ZFP82: variants seen among roughly 807,000 people sequenced by gnomAD.
ZFP82 encodes zinc finger protein 82 homolog.
ZFP82 carries 30 observed loss-of-function variants against 54.0 expected under a neutral mutation model. The observed-to-expected ratio is 0.56, with a 90% confidence interval of 0.42 to 0.75. The LOEUF (loss-of-function observed/expected upper bound fraction) is 0.75. Among genes scored for constraint, ZFP82 ranks in the 30% least tolerant of loss-of-function variants. The pLI, the probability that ZFP82 is intolerant of heterozygous loss-of-function variation, is 0.00. For missense variants in ZFP82, 500 were observed against 636.8 expected, an observed-to-expected ratio of 0.79 and a Z score of 2.31; for synonymous variants, 194 against 209.5, an observed-to-expected ratio of 0.93 and a Z score of 0.64.
At chr19:36,402,447 C>T (rs1209721399) in intron 4 of ZFP82, among the ~76,000 whole-genome samples, 1 of 108,132 alleles carries the variant, frequency 9.2e-6, no homozygotes, top group Non-Finnish European at 1.7e-5. Context: ...CCAGCCTGGA[C>T]AGAAGAGCGA....
At chr19:36,416,165 A>AT (rs1157202479) in intron 1 of ZFP82, among the ~76,000 whole-genome samples, 7 of 152,190 alleles carry the variant, frequency 4.6e-5, no homozygotes, top group Admixed American at 4.6e-4. Flanking sequence ...AATTAACAGT[A>AT]TTTATTAATG....
At chr19:36,400,978 G>A (rs1951956247) in intron 4 of ZFP82, among the ~76,000 whole-genome samples, 3 of 152,024 alleles carry the variant, frequency 2.0e-5, no homozygotes, top group South Asian at 2.1e-4. Context: ...GGAACCTGGG[G>A]TCAATTCTCA....
chr19:36,402,207 G>A (rs573070513), intron 4 of ZFP82, among the ~76,000 whole-genome samples: 216 of 152,224 alleles, frequency 1.4e-3, no homozygotes, highest in African/African-American at 5.0e-3. Flanking sequence ...AGTGGCTCAC[G>A]CCTGTAATCC....
chr19:36,408,136 G>A, intron 2 of ZFP82, 123 bp from the exon 3 acceptor site: 2 of 1,091,998 alleles, frequency 1.8e-6, no homozygotes, highest in East Asian at 2.6e-5. Flanking sequence ...GGCTTGGGCT[G>A]GAAGCCTGCA....
rs150011850 is a variant in ZFP82, at chr19:36,414,334, G to A, written c.-79+4158C>T. Among the ~76,000 whole-genome samples, 49 of 147,862 alleles carry A rather than the reference G, an allele frequency of 3.3e-4. No homozygotes were observed. In the East Asian group the frequency reaches 9.2e-3, roughly 28 times the overall value. On this transcript the variant is annotated intron_variant, in intron 1 of 4. Coordinates refer to ENST00000392161, the MANE Select transcript of ZFP82 (RefSeq NM_133466.4). Reference sequence around the variant, plus strand: ...CATTGCTCTTAAAACATTGATAAATGTTAGAACTAGGCTTGAAAATGTAAT... The same window carrying A: ...CATTGCTCTTAAAACATTGATAAATATTAGAACTAGGCTTGAAAATGTAAT...
downstream of ZFP82, among the ~76,000 whole-genome samples, chr19:36,385,167 TG>T (rs2032101966): frequency 1.3e-5 from 2 of 152,046 alleles, no homozygotes; most frequent in Non-Finnish European, 2.9e-5. Flanking sequence ...ACCACAGGAA[TG>T]GGTTTGTTAT....
At chr19:36,394,137 A>T in intron 4 of ZFP82, 27 bp from the exon 5 acceptor site, 1 of 1,569,264 alleles carries the variant, frequency 6.4e-7, no homozygotes, top group Non-Finnish European at 8.6e-7. Flanking sequence ...AAGCAAACAC[A>T]TGCTGTTTTC....
chr19:36,383,554 T>G (rs1397416062), exon 2 of ZFP82: 1 of 152,150 alleles, frequency 6.6e-6, no homozygotes, highest in Non-Finnish European at 1.5e-5. Flanking sequence ...ATACTAAACC[T>G]TGTTTTGGAG....
At chr19:36,401,501 C>T (rs1046060896) in intron 4 of ZFP82, among the ~76,000 whole-genome samples, 3 of 152,144 alleles carry the variant, frequency 2.0e-5, no homozygotes, top group Non-Finnish European at 4.4e-5. Flanking sequence ...ACTTATAATC[C>T]TATCAGCATG....
At chr19:36,399,556 A>C in intron 4 of ZFP82, among the ~76,000 whole-genome samples, 1 of 152,242 alleles carries the variant, frequency 6.6e-6, no homozygotes. Flanking sequence ...TCGCAGGCCC[A>C]GGTGACAAAG....
chr19:36,398,834 G>A (rs771679721), intron 4 of ZFP82, among the ~76,000 whole-genome samples: 51 of 152,114 alleles, frequency 3.4e-4, no homozygotes, highest in African/African-American at 8.0e-4. Flanking sequence ...AAAGCTCAGT[G>A]AAACTGTAAT....
At chr19:36,417,608 C>A (rs571569707) in intron 1 of ZFP82, among the ~76,000 whole-genome samples, 1 of 152,276 alleles carries the variant, frequency 6.6e-6, no homozygotes, top group East Asian at 1.9e-4. Flanking sequence ...GCTTTTCTTG[C>A]AGCCCAGCCT....
intron 2 of ZFP82, among the ~76,000 whole-genome samples, chr19:36,408,637 G>C (rs2032525301): frequency 1.3e-5 from 2 of 152,192 alleles, no homozygotes; most frequent in South Asian, 4.2e-4. Context: ...CTGACCAACA[G>C]GAGAACCCTT....
At chr19:36,411,317 C>A (rs17206379) in intron 1 of ZFP82, among the ~76,000 whole-genome samples, 24,253 of 151,882 alleles carry the variant, frequency 0.16, 2,400 homozygotes, top group Non-Finnish European at 0.22. Flanking sequence ...TTTCTGAAAC[C>A]CAGAATTTCT....
At chr19:36,408,134 C>G (rs1027814293) in intron 2 of ZFP82, 121 bp from the exon 3 acceptor site, 54 of 1,105,640 alleles carry the variant, frequency 4.9e-5, no homozygotes, top group Non-Finnish European at 6.4e-5. Context: ...CAGGCTTGGG[C>G]TGGAAGCCTG....
chr19:36,416,795 G>A (rs942693602), intron 1 of ZFP82, among the ~76,000 whole-genome samples: 12 of 150,184 alleles, frequency 8.0e-5, no homozygotes, highest in African/African-American at 2.2e-4. Context: ...GTTCTAGGCT[G>A]GGGGCGGTGG....
intron 1 of ZFP82, among the ~76,000 whole-genome samples, chr19:36,414,336 T>C (rs1453000192): frequency 6.6e-6 from 1 of 151,752 alleles, no homozygotes; most frequent in Admixed American, 6.6e-5. Context: ...TGATAAATGT[T>C]AGAACTAGGC....
chr19:36,413,277 G>A (rs2032610301), intron 1 of ZFP82, among the ~76,000 whole-genome samples: 2 of 152,150 alleles, frequency 1.3e-5, no homozygotes, highest in South Asian at 2.1e-4. Context: ...TGGGCGTGGT[G>A]GCAGACACCT....
rs1395104148 is a variant in ZFP82, at chr19:36,390,563, C to T, written c.*2178G>A. 6.6e-6 allele frequency: 1 copy of T among 152,110 alleles called. No homozygotes were observed. The highest frequency in any genetic ancestry group is 1.5e-5 in the Non-Finnish European group (1 of 68,020). The allele number at this position is 152,110 out of a possible 1,614,324, so 9.4% of individuals were successfully genotyped here. A position where few individuals can be genotyped will look rare whatever the true frequency, so the allele number is the denominator to read the frequency against. ...TCCACTGTGTGTATCCATTTCATCA[C>T]ATCAAGTTCATCTGGCTGATCTCAT... On this transcript the variant is annotated 3_prime_UTR_variant, in exon 5 of 5. Coordinates refer to ENST00000392161, the MANE Select transcript of ZFP82 (RefSeq NM_133466.4).
Sources: allele counts gnomAD v4.1 joint callset (sites outside exome capture counted in the v4.1 genomes callset), GRCh38; gene constraint gnomAD v4.1.1; transcripts MANE v1.5; gene names NCBI Gene and HGNC (gene_info 2026-07-23, HGNC 2026-07-21).